KYAT3: variants seen among roughly 807,000 people sequenced by gnomAD.
KYAT3 encodes kynurenine aminotransferase 3.
In KYAT3, 50 loss-of-function variants were observed where a neutral mutation model predicts 59.0. The observed-to-expected ratio is 0.85, with a 90% confidence interval of 0.68 to 1.07. KYAT3 has a LOEUF of 1.07. KYAT3 is among the 50% of genes least tolerant of loss of function. The probability of loss-of-function intolerance (pLI) is 0.00; values close to 1 mark genes in which losing one functional copy is unlikely to be tolerated. For synonymous variants in KYAT3, 148 were observed against 177.0 expected (o/e 0.84, Z 1.30); for missense variants, 497 against 533.3 (o/e 0.93, Z 0.67).
At position 88,992,566 on chromosome 1, in the gene KYAT3, G is replaced by C. The variant is rs1287934883; in HGVS notation, c.-2+19C>G. On this transcript the variant is annotated intron_variant, in intron 1 of 13. Transcript: ENST00000260508. The stretch of plus-strand genomic sequence containing the variant: ...CCGCACGGAAGCGCCGCGCCGCGCC[G>C]CGCGCCCGCCCCACTCACCTATCCG... 1 of 152,538 alleles carries C rather than the reference G, an allele frequency of 6.6e-6. No individual in the cohort carries two copies. The highest frequency in any genetic ancestry group is 1.9e-4 in the East Asian group (1 of 5,138). The allele number at this position is 152,538 out of a possible 1,614,324, so 9.4% of individuals were successfully genotyped here.
chr1:88,963,271 A>G (rs1416989704), intron 5 of KYAT3, among the ~76,000 whole-genome samples: 1 of 152,120 alleles, frequency 6.6e-6, no homozygotes, highest in African/African-American at 2.4e-5. Context: ...GCCTTATAAT[A>G]CTCCCAACAG....
At chr1:88,947,318 C>T (rs575628598) in intron 11 of KYAT3, among the ~76,000 whole-genome samples, 9 of 152,128 alleles carry the variant, frequency 5.9e-5, no homozygotes, top group Non-Finnish European at 1.3e-4. Flanking sequence ...ACAGATCCCA[C>T]TCTCTCTCTG....
In KYAT3 at chr1:88,961,992, T is replaced by G. The variant is rs529704502; in HGVS notation, c.540+67A>C. 15 of 1,054,272 alleles carry G rather than the reference T, an allele frequency of 1.4e-5. No individual in the cohort carries two copies. In the African/African-American group the frequency reaches 1.7e-4, roughly 12 times the overall value. The allele number at this position is 1,054,272 out of a possible 1,614,324, so 65.3% of individuals were successfully genotyped here. On this transcript the variant is annotated intron_variant, in intron 6 of 13. Coordinates refer to ENST00000260508, the MANE Select transcript of KYAT3 (RefSeq NM_001008661.3). ...AAGTAGAAACTTTATCATGACAAAG[T>G]AATTGGTATTTTCAAGACTTCTTAA...
At chr1:88,978,117 ATATGT>A (rs778451586) in intron 2 of KYAT3, among the ~76,000 whole-genome samples, 9 of 151,984 alleles carry the variant, frequency 5.9e-5, no homozygotes, top group Non-Finnish European at 1.2e-4. Context: ...ACATGTATGT[ATATGT>A]TATGTATATT....
downstream of KYAT3, among the ~76,000 whole-genome samples, chr1:88,935,490 A>T (rs1291329205): frequency 6.6e-6 from 1 of 152,258 alleles, no homozygotes; most frequent in Non-Finnish European, 1.5e-5. Context: ...GACTTGAATC[A>T]TAAAAGCCTC....
chr1:88,922,117 T>C, the KYAT3 span, among the ~76,000 whole-genome samples: 2 of 151,882 alleles, frequency 1.3e-5, no homozygotes, highest in Non-Finnish European at 2.9e-5. Context: ...GAGGCTGAAG[T>C]GGGAAGATTG....
intron 2 of KYAT3, chr1:88,981,964 T>C: frequency 2.0e-6 from 2 of 983,738 alleles, no homozygotes; most frequent in Non-Finnish European, 1.2e-6. Flanking sequence ...AGCTTCATGG[T>C]TGGTTTTGGC....
In KYAT3 at chr1:88,982,817, C is replaced by A. The variant is rs754134807; in HGVS notation, c.99+5435G>T. On this transcript the variant is annotated intron_variant, in intron 2 of 13. Transcript: ENST00000260508. ...TTCTTGTCTGCCAACCCTGTCACAA[C>A]TTGAGTAGAGATCACTTCGGCTGCT... 11 of 1,613,872 alleles carry A rather than the reference C, an allele frequency of 6.8e-6. No individual in the cohort carries two copies. The South Asian group carries it at 1.2e-4, about 18-fold the overall frequency.
At chr1:88,983,665 G>A (rs1229316644) in intron 2 of KYAT3, 8 of 1,613,684 alleles carry the variant, frequency 5.0e-6, no homozygotes, top group Non-Finnish European at 5.9e-6. Flanking sequence ...TTTCAAAGGT[G>A]ACAAAAGCAA....
chr1:88,974,734 T>G (rs1368327468), intron 2 of KYAT3, among the ~76,000 whole-genome samples: 1 of 151,954 alleles, frequency 6.6e-6, no homozygotes, highest in Non-Finnish European at 1.5e-5. Flanking sequence ...CCAATCAGCA[T>G]TCAGTAAAAA....
chr1:88,959,344 C>T (rs370930992), intron 8 of KYAT3, among the ~76,000 whole-genome samples: 6 of 151,072 alleles, frequency 4.0e-5, no homozygotes, highest in Admixed American at 2.0e-4. Context: ...TTTGGGAGGC[C>T]GAGGTGGGTG....
At chr1:88,975,036 G>C (rs1304093599) in intron 2 of KYAT3, among the ~76,000 whole-genome samples, 5 of 152,126 alleles carry the variant, frequency 3.3e-5, no homozygotes, top group Non-Finnish European at 7.3e-5. Flanking sequence ...AATAAATCTT[G>C]CTGCTGCTCA....
the KYAT3 span, among the ~76,000 whole-genome samples, chr1:88,921,058 G>T: frequency 2.0e-4 from 31 of 152,286 alleles, no homozygotes; most frequent in African/African-American, 7.5e-4. Context: ...ACAAATAGGG[G>T]TTTATTTGTC....
intron 9 of KYAT3, 56 bp from the exon 10 acceptor site, chr1:88,953,208 G>A: frequency 8.4e-7 from 1 of 1,191,706 alleles, no homozygotes; most frequent in Non-Finnish European, 1.2e-6. Flanking sequence ...TAACAAATCT[G>A]AGACAGCAGT....
In KYAT3 at chr1:88,968,734, T is replaced by C; in HGVS notation, c.239A>G (p.Tyr80Cys). The part of the protein sequence containing the change: ...QGFPDISPPT[Y>C]VKEELSKIAA... ...AATCTTTGATAATTCTTCTTTTACATATGTAGGAGGGGATATATCTGGAAA... is the reference window on the plus strand; with the variant it reads ...AATCTTTGATAATTCTTCTTTTACACATGTAGGAGGGGATATATCTGGAAA... Residue 80 changes from tyrosine to cysteine, a missense_variant, in exon 4 of 14, where the codon TAT (tyrosine) becomes TGT (cysteine). Transcript: ENST00000260508. The C allele has an allele frequency of 6.2e-7, 1 of 1,600,916 alleles. No homozygotes were observed. Among genetic ancestry groups the C allele is most frequent in the South Asian group, 1.1e-5 (1 of 88,180 alleles).
chr1:88,921,209 T>C, the KYAT3 span, among the ~76,000 whole-genome samples: 1 of 152,190 alleles, frequency 6.6e-6, no homozygotes, highest in Non-Finnish European at 1.5e-5. Flanking sequence ...GGAAGATGGC[T>C]GCTTCACCTC....
intron 13 of KYAT3, among the ~76,000 whole-genome samples, chr1:88,939,693 T>A (rs1675166967): frequency 6.6e-6 from 1 of 152,234 alleles, no homozygotes. Flanking sequence ...ATTTGTTCCT[T>A]TCTACTTCCT....
downstream of KYAT3, among the ~76,000 whole-genome samples, chr1:88,932,361 G>A (rs1157500914): frequency 6.6e-6 from 1 of 152,044 alleles, no homozygotes; most frequent in African/African-American, 2.4e-5. Context: ...TGATACTACT[G>A]TATGAATATG....
chr1:88,947,381 T>C (rs10436915), intron 11 of KYAT3, among the ~76,000 whole-genome samples: 5,806 of 152,258 alleles, frequency 0.038, 319 homozygotes, highest in African/African-American at 0.12. Flanking sequence ...TCACTTCCCA[T>C]TGGTCCCGGG....
Sources: gnomAD v4.1 joint callset for allele counts (sites outside exome capture counted in the v4.1 genomes callset) on GRCh38, gnomAD v4.1.1 for gene constraint, MANE v1.5 for transcripts, NCBI Gene and HGNC (gene_info 2026-07-23, HGNC 2026-07-21) for gene names.